Variants in SUPT3H observed in about 807,000 individuals in gnomAD.
SUPT3H encodes the protein transcription initiation protein SPT3 homolog.
A neutral mutation model predicts 44.3 loss-of-function variants in SUPT3H; 44 were observed. That is an observed-to-expected ratio of 0.99 (90% CI 0.78 to 1.28). SUPT3H has a LOEUF of 1.28. Among genes scored for constraint, SUPT3H ranks in the 50% most tolerant of loss-of-function variants. SUPT3H has a pLI of 0.00. For missense variants in SUPT3H, 380 were observed against 387.1 expected, an observed-to-expected ratio of 0.98 and a Z score of 0.15; for synonymous variants, 124 against 125.6, an observed-to-expected ratio of 0.99 and a Z score of 0.09.
chr6:45,188,913 A>G (rs908870488), intron 2 of SUPT3H, among the ~76,000 whole-genome samples: 3 of 151,890 alleles, frequency 2.0e-5, no homozygotes, highest in Non-Finnish European at 2.9e-5. Flanking sequence ...TGTATAATAA[A>G]CCTTTAAGGT....
At chr6:44,848,170 A>G (rs1003740339) in intron 10 of SUPT3H, among the ~76,000 whole-genome samples, 1 of 151,298 alleles carries the variant, frequency 6.6e-6, no homozygotes, top group Non-Finnish European at 1.5e-5. Context: ...GGGTTTCACC[A>G]TGTTGGCCAG....
chr6:45,303,688 A>G (rs1782523787), intron 2 of SUPT3H, among the ~76,000 whole-genome samples: 2 of 150,806 alleles, frequency 1.3e-5, no homozygotes, highest in South Asian at 2.1e-4. Flanking sequence ...AAAAAAAAAA[A>G]AAAAGAAACA....
chr6:44,961,776 C>A lies in SUPT3H; in HGVS notation c.557G>T (p.Cys186Phe). 6.2e-7 allele frequency: 1 copy of A among 1,606,802 alleles called. No homozygotes were observed. The highest frequency in any genetic ancestry group is 8.5e-7 in the Non-Finnish European group (1 of 1,178,234). The change falls in exon 7 of 11, where the codon TGT becomes TTT. Residue 186 changes from cysteine to phenylalanine, a missense_variant. Transcript: ENST00000371459. Reference sequence around the variant, plus strand: ...ACAGAAACTTAATTGTCGACTTTCACAGAATTCTGCATATTGAGCTGAATC... The same window carrying A: ...ACAGAAACTTAATTGTCGACTTTCAAAGAATTCTGCATATTGAGCTGAATC... ...IMDSAQYAEFCESRQLSFSKK... is the reference protein window; with the variant it reads ...IMDSAQYAEFFESRQLSFSKK...
chr6:45,346,716 C>A (rs1452827682), intron 2 of SUPT3H, among the ~76,000 whole-genome samples: 1 of 152,006 alleles, frequency 6.6e-6, no homozygotes, highest in Non-Finnish European at 1.5e-5. Flanking sequence ...AGGTGCAGGC[C>A]ACCATGCCTG....
chr6:44,959,812 T>C (rs918104493), intron 7 of SUPT3H, among the ~76,000 whole-genome samples: 8 of 152,108 alleles, frequency 5.3e-5, no homozygotes, highest in East Asian at 1.9e-4. Context: ...CTTAAGAAGA[T>C]ACATATGGCA....
intron 9 of SUPT3H, among the ~76,000 whole-genome samples, chr6:44,936,960 C>G (rs980224800): frequency 1.3e-5 from 2 of 152,084 alleles, no homozygotes; most frequent in African/African-American, 4.8e-5. Flanking sequence ...AGCCACTGCA[C>G]CTGACCCATT....
At chr6:45,056,853 T>TA (rs573401650) in intron 3 of SUPT3H, among the ~76,000 whole-genome samples, 2 of 151,428 alleles carry the variant, frequency 1.3e-5, no homozygotes, top group Non-Finnish European at 1.5e-5. Context: ...CAATTGAAAT[T>TA]AAAAAAAAGT....
At chr6:45,304,632 T>A (rs531505744) in intron 2 of SUPT3H, among the ~76,000 whole-genome samples, 1 of 152,310 alleles carries the variant, frequency 6.6e-6, no homozygotes, top group African/African-American at 2.4e-5. Flanking sequence ...AGGAAGAAGT[T>A]ATTAGGAATA....
At chr6:45,187,116 A>G (rs992965902) in intron 2 of SUPT3H, among the ~76,000 whole-genome samples, 12 of 150,184 alleles carry the variant, frequency 8.0e-5, no homozygotes, top group Non-Finnish European at 1.6e-4. Context: ...AAAAAAAAAA[A>G]AAAAAAAAAA....
chr6:45,288,114 C>T (rs958124291), intron 2 of SUPT3H, among the ~76,000 whole-genome samples: 1 of 152,060 alleles, frequency 6.6e-6, no homozygotes, highest in South Asian at 2.1e-4. Flanking sequence ...AATCCTAGAG[C>T]AGCCATCAGG....
At chr6:44,873,468 C>T (rs1776768202) in intron 10 of SUPT3H, among the ~76,000 whole-genome samples, 1 of 42,648 alleles carries the variant, frequency 2.3e-5, no homozygotes, top group African/African-American at 7.5e-5. Context: ...AAAGACACCA[C>T]ATACCAGAAT....
intron 11 of SUPT3H, among the ~76,000 whole-genome samples, chr6:44,816,332 A>C (rs1003283498): frequency 6.6e-6 from 1 of 152,234 alleles, no homozygotes; most frequent in Non-Finnish European, 1.5e-5. Context: ...TTATAAGATA[A>C]TTTAATGAAC....
At chr6:45,044,489 T>C (rs949820981) in intron 3 of SUPT3H, among the ~76,000 whole-genome samples, 3 of 152,142 alleles carry the variant, frequency 2.0e-5, no homozygotes, top group African/African-American at 4.8e-5. Context: ...TGTAAATCAC[T>C]TGTAGTCAGG....
chr6:45,159,170 G>T (rs768306652), intron 2 of SUPT3H: 4 of 152,056 alleles, frequency 2.6e-5, no homozygotes, highest in Admixed American at 6.6e-5. Context: ...ATATCCTATT[G>T]AACTGACCAG....
chr6:45,302,312 A>G (rs1191156425), intron 2 of SUPT3H, among the ~76,000 whole-genome samples: 1 of 151,494 alleles, frequency 6.6e-6, no homozygotes, highest in Non-Finnish European at 1.5e-5. Flanking sequence ...ATGCCTTTGC[A>G]TCCTCATAGC....
chr6:45,306,914 C>CCCA (rs1391557085), intron 2 of SUPT3H, among the ~76,000 whole-genome samples: 3 of 152,220 alleles, frequency 2.0e-5, no homozygotes, highest in Non-Finnish European at 4.4e-5. Context: ...TCAGGTCACT[C>CCCA]CCACCCTAAC....
chr6:45,134,269 A>G (rs1803932897), intron 2 of SUPT3H, among the ~76,000 whole-genome samples: 1 of 152,190 alleles, frequency 6.6e-6, no homozygotes, highest in African/African-American at 2.4e-5. Flanking sequence ...CTCCAATAAC[A>G]ACATTAATCC....
intron 2 of SUPT3H, among the ~76,000 whole-genome samples, chr6:45,271,089 A>C (rs187335431): frequency 1.3e-5 from 2 of 152,334 alleles, no homozygotes; most frequent in Admixed American, 1.3e-4. Flanking sequence ...GTGCTGTTAA[A>C]GGCATTCCAT....
chr6:44,920,489 G>A (rs1366501411), intron 10 of SUPT3H, among the ~76,000 whole-genome samples: 1 of 151,270 alleles, frequency 6.6e-6, no homozygotes, highest in Non-Finnish European at 1.5e-5. Context: ...TTGAGCCTGG[G>A]AGATGGAGGC....
Sources: allele counts gnomAD v4.1 joint callset (sites outside exome capture counted in the v4.1 genomes callset), GRCh38; gene constraint gnomAD v4.1.1; transcripts MANE v1.5; gene names NCBI Gene and HGNC (gene_info 2026-07-23, HGNC 2026-07-21).